TBC1D1: variants seen among roughly 807,000 people sequenced by gnomAD.
TBC1D1 encodes the protein TBC1 (tre-2/USP6, BUB2, cdc16) domain family, member 1.
A neutral mutation model predicts 125.6 loss-of-function variants in TBC1D1; 89 were observed. The ratio of observed to expected loss-of-function variants is 0.71; its 90% CI spans 0.60 to 0.85. The LOEUF (loss-of-function observed/expected upper bound fraction) is 0.85, where lower values mean the gene tolerates loss of function less well. Among genes scored for constraint, TBC1D1 ranks in the 40% least tolerant of loss-of-function variants. The pLI is 0.00. For synonymous variants in TBC1D1, 565 were observed against 564.1 expected (o/e 1.00, Z -0.02); for missense variants, 1,377 against 1,469.2 (o/e 0.94, Z 1.03).
chr4:38,038,286 C>T (rs1249239009), intron 8 of TBC1D1, among the ~76,000 whole-genome samples: 1 of 151,928 alleles, frequency 6.6e-6, no homozygotes, highest in Non-Finnish European at 1.5e-5. Flanking sequence ...GATTTTCTTT[C>T]TTTTTTTGTG....
At chr4:37,911,682 C>A (rs1223109953) in intron 2 of TBC1D1, among the ~76,000 whole-genome samples, 1 of 152,116 alleles carries the variant, frequency 6.6e-6, no homozygotes, top group East Asian at 1.9e-4. Flanking sequence ...TGAAATACTA[C>A]CAATGTGTTG....
chr4:38,068,439 G>T (rs1037526163), intron 12 of TBC1D1, among the ~76,000 whole-genome samples: 1 of 152,074 alleles, frequency 6.6e-6, no homozygotes, highest in Non-Finnish European at 1.5e-5. Context: ...CATTAACAGC[G>T]ACAGACTTCT....
chr4:38,045,082 G>A (rs1265086966), intron 9 of TBC1D1, among the ~76,000 whole-genome samples: 1 of 152,150 alleles, frequency 6.6e-6, no homozygotes, highest in Non-Finnish European at 1.5e-5. Flanking sequence ...GAAAAAGTTT[G>A]CCAAATATAG....
At chr4:38,027,693 G>T in intron 6 of TBC1D1, 95 bp from the exon 7 acceptor site, 1 of 622,272 alleles carries the variant, frequency 1.6e-6, no homozygotes, top group South Asian at 2.5e-5. Flanking sequence ...TGAAGTGGAA[G>T]AGAATGTGAA....
At chr4:38,098,988 C>G (rs1355570979) in intron 14 of TBC1D1, among the ~76,000 whole-genome samples, 1 of 152,152 alleles carries the variant, frequency 6.6e-6, no homozygotes, top group East Asian at 1.9e-4. Context: ...TAGTACACAT[C>G]AAAATGATTT....
chr4:38,126,796 C>G (rs1288872662), intron 18 of TBC1D1, among the ~76,000 whole-genome samples: 1 of 152,172 alleles, frequency 6.6e-6, no homozygotes, highest in Non-Finnish European at 1.5e-5. Flanking sequence ...CCCACACTCA[C>G]TCTGCTGCAA....
intron 2 of TBC1D1, among the ~76,000 whole-genome samples, chr4:37,909,829 C>T (rs1718169682): frequency 6.6e-6 from 1 of 152,120 alleles, no homozygotes; most frequent in Admixed American, 6.5e-5. Flanking sequence ...CATTTGGGGT[C>T]CCATGCAGCA....
At chr4:37,913,135 C>G (rs1225097352) in intron 2 of TBC1D1, among the ~76,000 whole-genome samples, 19 of 152,138 alleles carry the variant, frequency 1.2e-4, no homozygotes. Flanking sequence ...ATCACTTTCC[C>G]CTCAATACCC....
At chr4:38,118,270 ATTC>A in intron 17 of TBC1D1, 78 bp downstream of exon 19, 1 of 1,506,606 alleles carries the variant, frequency 6.6e-7, no homozygotes, top group Non-Finnish European at 9.1e-7. Context: ...CTCCGTGGTG[ATTC>A]TTATTTTTAT....
chr4:38,010,213 C>T (rs958722324), intron 2 of TBC1D1, among the ~76,000 whole-genome samples: 1 of 152,136 alleles, frequency 6.6e-6, no homozygotes, highest in African/African-American at 2.4e-5. Context: ...TTTTACTTAT[C>T]TGTATGAGCC....
intron 17 of TBC1D1, among the ~76,000 whole-genome samples, chr4:38,124,123 T>C (rs1036147634): frequency 6.6e-6 from 1 of 152,258 alleles, no homozygotes; most frequent in Non-Finnish European, 1.5e-5. Flanking sequence ...ATTGTTTTTT[T>C]CTTATATTAT....
At chr4:38,100,118 T>C (rs1180197191) in intron 14 of TBC1D1, among the ~76,000 whole-genome samples, 2 of 152,170 alleles carry the variant, frequency 1.3e-5, no homozygotes, top group African/African-American at 4.8e-5. Flanking sequence ...AGGGTGTGCG[T>C]GTGTGTGTAT....
chr4:38,065,494 C>T (rs1389137324), intron 12 of TBC1D1, among the ~76,000 whole-genome samples: 2 of 152,114 alleles, frequency 1.3e-5, no homozygotes, highest in Non-Finnish European at 2.9e-5. Flanking sequence ...AGTTCTATGG[C>T]AGGGGATGAA....
At chr4:37,940,556 C>T (rs1403987092) in intron 2 of TBC1D1, among the ~76,000 whole-genome samples, 1 of 152,150 alleles carries the variant, frequency 6.6e-6, no homozygotes, top group Non-Finnish European at 1.5e-5. Context: ...ACTTCCAACA[C>T]TATGTTGAAC....
At chr4:38,083,794 C>T (rs1350188664) in intron 12 of TBC1D1, among the ~76,000 whole-genome samples, 20 of 152,144 alleles carry the variant, frequency 1.3e-4, no homozygotes, top group Admixed American at 1.3e-3. Context: ...TGCTGAACTT[C>T]CAGAACACTT....
rs920892622 is a variant in TBC1D1, at chr4:37,902,034, G to C, written c.-62G>C. 1 of 1,499,542 alleles carries C rather than the reference G, an allele frequency of 6.7e-7. No individual in the cohort carries two copies. Among genetic ancestry groups the C allele is most frequent in the African/African-American group, 1.4e-5 (1 of 71,202 alleles). The allele number at this position is 1,499,542 out of a possible 1,614,324, so 92.9% of individuals were successfully genotyped here. On this transcript the variant is annotated 5_prime_UTR_variant, in exon 2 of 20. Transcript: ENST00000261439. ...GCATATGAAGTGTGTAAAATAGATT[G>C]CTTGATCCAAAACAGAAAAACAGTG... is the stretch of plus-strand genomic sequence containing the variant.
chr4:37,904,529 C>T (rs926878125), intron 2 of TBC1D1, among the ~76,000 whole-genome samples: 6 of 152,170 alleles, frequency 3.9e-5, no homozygotes, highest in African/African-American at 1.4e-4. Context: ...AAATCTTTTA[C>T]GGCCATCTGA....
At chr4:38,118,424 C>T (rs564273358) in intron 17 of TBC1D1, 168 of 547,904 alleles carry the variant, frequency 3.1e-4, no homozygotes, top group African/African-American at 2.7e-3. Flanking sequence ...GATGTGGATC[C>T]GATCCGTGTA....
chr4:37,982,048 C>G (rs1490272232), intron 2 of TBC1D1, among the ~76,000 whole-genome samples: 1 of 152,140 alleles, frequency 6.6e-6, no homozygotes, highest in Non-Finnish European at 1.5e-5. Context: ...ATGTTGAGTA[C>G]GAGTACAACT....
Sources: allele counts gnomAD v4.1 joint callset (sites outside exome capture counted in the v4.1 genomes callset), GRCh38; gene constraint gnomAD v4.1.1; transcripts MANE v1.5; gene names NCBI Gene and HGNC (gene_info 2026-07-23, HGNC 2026-07-21).